The following PCNX4 variants were observed in gnomAD, a reference collection of about 807,000 sequenced individuals.
PCNX4 encodes pecanex-like protein 4.
PCNX4 carries 103 observed loss-of-function variants against 107.2 expected under a neutral mutation model. That is an observed-to-expected ratio of 0.96 (90% CI 0.82 to 1.13). The LOEUF is 1.13. PCNX4 is among the 50% of genes most tolerant of loss of function. The probability of loss-of-function intolerance (pLI) is 0.00; values close to 1 mark genes in which losing one functional copy is unlikely to be tolerated. For synonymous variants in PCNX4, 541 were observed against 481.7 expected, an observed-to-expected ratio of 1.12 and a Z score of -1.61; for missense variants, 1,528 against 1,379.4, an observed-to-expected ratio of 1.11 and a Z score of -1.71.
rs573287913 is a variant in PCNX4, at chr14:60,123,663, T to C, written c.2047-555T>C. Reference sequence around the variant, plus strand: ...GCATATATTTGTTGCATACCCACTGTGTACCAGATACTGGTTTAGGCACTA... The same window carrying C: ...GCATATATTTGTTGCATACCCACTGCGTACCAGATACTGGTTTAGGCACTA... On this transcript the variant is annotated intron_variant, in intron 8 of 10. Transcript: ENST00000406854. Among the ~76,000 whole-genome samples, 4 of 152,280 alleles carry C rather than the reference T, an allele frequency of 2.6e-5. No homozygotes were observed. In the East Asian group the frequency reaches 7.7e-4, roughly 29 times the overall value.
intron 1 of PCNX4, among the ~76,000 whole-genome samples, chr14:60,106,086 A>G (rs1895623238): frequency 6.6e-6 from 1 of 151,996 alleles, no homozygotes; most frequent in Non-Finnish European, 1.5e-5. Flanking sequence ...TACGGAGGGG[A>G]AGGAGGCACT....
Position 60,115,096 on chromosome 14 carries a change from A to G in PCNX4, c.992A>G (p.Asp331Gly), listed in dbSNP as rs770109512. The stretch of plus-strand genomic sequence containing the variant: ...TTCTTGCTGAGTCTGAACTTAAGTG[A>G]TATGGGTCACAAAATTGGAACCAAA... ...FGFLLSLNLS[D>G]MGHKIGTKSK... Residue 331 changes from aspartate (D) to glycine (G), a missense_variant, in exon 4 of 11, where the codon GAT (aspartate) becomes GGT (glycine). Asp to Gly is a moderately conservative substitution (Grantham distance 94). Coordinates refer to ENST00000406854, the MANE Select transcript of PCNX4 (RefSeq NM_001330177.2). 17 of 1,613,754 alleles carry G rather than the reference A, an allele frequency of 1.1e-5. No individual in the cohort carries two copies. The highest frequency in any genetic ancestry group is 8.0e-5 in the African/African-American group (6 of 74,886).
In PCNX4 at chr14:60,143,176, T is replaced by G. The variant is rs1353468166; in HGVS notation, c.*8955T>G. 2 of 152,116 alleles carry G rather than the reference T, an allele frequency of 1.3e-5. No individual in the cohort carries two copies. Among genetic ancestry groups the G allele is most frequent in the Non-Finnish European group, 2.9e-5 (2 of 68,044 alleles). The allele number at this position is 152,116 out of a possible 1,614,324, so 9.4% of individuals were successfully genotyped here. ...GAAGCTTCTCTTCATCTGTCTAAAT[T>G]CCTTTCTTTCAAGGCCCAGTGCAAG... On this transcript the variant is annotated 3_prime_UTR_variant, in exon 11 of 11. Transcript: ENST00000406854.
In PCNX4 at chr14:60,139,953, A is replaced by AG. The variant is rs1896288100; in HGVS notation, c.*5732_*5733insG. 2.4e-5 allele frequency: 2 copies of AG among 83,882 alleles called. No homozygotes were observed. The highest frequency in any genetic ancestry group is 1.9e-4 in the African/African-American group (2 of 10,720). The allele number at this position is 83,882 out of a possible 1,614,324, so 5.2% of individuals were successfully genotyped here. ...AAATTTATAGTCTTAAACGCACATT[A>AG]AAAAAAAAAGATTGAAAATGAACCT... is the stretch of plus-strand genomic sequence containing the variant. On this transcript the variant is annotated 3_prime_UTR_variant, in exon 11 of 11. Coordinates refer to ENST00000406854, the MANE Select transcript of PCNX4 (RefSeq NM_001330177.2).
In PCNX4 at chr14:60,107,527, C is replaced by T. The variant is rs1176588415; in HGVS notation, c.-53-59C>T. On this transcript the variant is annotated intron_variant, in intron 1 of 10. Transcript: ENST00000406854. Reference sequence around the variant, plus strand: ...GATGAAATAGTAATGTGAGGTTTTTCCTCATAGGTTTTAAATGACATTTTC... The same window carrying T: ...GATGAAATAGTAATGTGAGGTTTTTTCTCATAGGTTTTAAATGACATTTTC... 6.4e-6 allele frequency: 6 copies of T among 931,742 alleles called. No homozygotes were observed. In the South Asian group the frequency reaches 1.1e-4, roughly 17 times the overall value. The allele number at this position is 931,742 out of a possible 1,614,324, so 57.7% of individuals were successfully genotyped here. A position where few individuals can be genotyped will look rare whatever the true frequency, so the allele number is the denominator to read the frequency against.
chr14:60,106,552 G>A (rs1334998418), intron 1 of PCNX4, among the ~76,000 whole-genome samples: 1 of 152,134 alleles, frequency 6.6e-6, no homozygotes, highest in Non-Finnish European at 1.5e-5. Flanking sequence ...ATTCTATGCG[G>A]AACTAAGACC....
intron 6 of PCNX4, among the ~76,000 whole-genome samples, chr14:60,117,092 T>C (rs900281126): frequency 2.3e-4 from 35 of 152,264 alleles, no homozygotes; most frequent in African/African-American, 5.1e-4. Flanking sequence ...TGAAGTTAAT[T>C]TATTACTGAA....
intron 1 of PCNX4, among the ~76,000 whole-genome samples, chr14:60,095,676 G>C (rs1014846882): frequency 3.3e-5 from 5 of 151,988 alleles, no homozygotes; most frequent in Admixed American, 2.6e-4. Flanking sequence ...CCTCAGGTTG[G>C]TTTTTCCTCC....
At position 60,142,793 on chromosome 14, in the gene PCNX4, GTC is replaced by G. The variant is rs1896321718; in HGVS notation, c.*8576_*8577del. On this transcript the variant is annotated 3_prime_UTR_variant, in exon 11 of 11. Transcript: ENST00000406854. This position sits in a 1 kb window ranked among gnomAD's most constrained non-coding sequence, Gnocchi z 4.7. ...GCCTGGCCAACATGGTGAAACCCCCGTCTCTACTAAAAATACAAAACTTAGCC... is the reference window on the plus strand; with the variant it reads ...GCCTGGCCAACATGGTGAAACCCCCGTCTACTAAAAATACAAAACTTAGCC... 1 of 152,158 alleles carries G rather than the reference GTC, an allele frequency of 6.6e-6. No individual in the cohort carries two copies. The highest frequency in any genetic ancestry group is 1.5e-5 in the Non-Finnish European group (1 of 68,162). The allele number at this position is 152,158 out of a possible 1,614,324, so 9.4% of individuals were successfully genotyped here.
chr14:60,125,037 A>G lies in PCNX4; in HGVS notation c.2866A>G (p.Asn956Asp), dbSNP rs1896027208. The change falls in exon 9 of 11, where the codon AAT (asparagine) becomes GAT (aspartate). Residue 956 changes from asparagine to aspartate, a missense_variant. Transcript: ENST00000406854. Reference sequence around the variant, plus strand: ...TTATCATTCAGAAGAGAAGGCCTCAAATGTACTGGAAGAAATTGCCAAGGA... The same window carrying G: ...TTATCATTCAGAAGAGAAGGCCTCAGATGTACTGGAAGAAATTGCCAAGGA... ...ECYHSEEKAS[N>D]VLEEIAKDKV... is the part of the protein sequence containing the mutation. The G allele has an allele frequency of 3.1e-6, 5 of 1,613,766 alleles. No homozygotes were observed. Among genetic ancestry groups the G allele is most frequent in the South Asian group, 1.1e-5 (1 of 91,080 alleles).
Position 60,108,264 on chromosome 14 carries a change from A to C in PCNX4, c.626A>C (p.Glu209Ala). The C allele has an allele frequency of 6.2e-7, 1 of 1,612,712 alleles. No individual in the cohort carries two copies. Among genetic ancestry groups the C allele is most frequent in the Non-Finnish European group, 8.5e-7 (1 of 1,179,786 alleles). ...ACTTTCCAAACACAGGATACTTATG[A>C]AATTATTCCTCTTATGAGACCTCTT... ...TATFQTQDTY[E>A]IIPLMRPLYI... Residue 209 changes from glutamate to alanine, a missense_variant, in exon 2 of 11, where the codon GAA becomes GCA. Physicochemically the swap from Glu to Ala is moderately radical, Grantham distance 107. Coordinates refer to ENST00000406854, the MANE Select transcript of PCNX4 (RefSeq NM_001330177.2).
chr14:60,117,324 A>G (rs920646651), intron 6 of PCNX4, among the ~76,000 whole-genome samples: 14 of 152,136 alleles, frequency 9.2e-5, no homozygotes, highest in African/African-American at 2.9e-4. Flanking sequence ...TACAATTTCA[A>G]TGTTTAGATA....
intron 10 of PCNX4, among the ~76,000 whole-genome samples, chr14:60,129,155 G>A (rs1595179076): frequency 2.0e-5 from 3 of 151,616 alleles, no homozygotes; most frequent in East Asian, 1.9e-4. Flanking sequence ...CAGGAGAATC[G>A]CTTGAACCCA....
At chr14:60,122,121 T>C in intron 8 of PCNX4, among the ~76,000 whole-genome samples, 1 of 152,112 alleles carries the variant, frequency 6.6e-6, no homozygotes, top group Non-Finnish European at 1.5e-5. Context: ...GCTCCACCTG[T>C]AAACCATATT....
chr14:60,126,372 T>A (rs1369578280), intron 10 of PCNX4, among the ~76,000 whole-genome samples: 2 of 152,232 alleles, frequency 1.3e-5, no homozygotes, highest in African/African-American at 4.8e-5. Context: ...CATGGTTTTG[T>A]CTGTCTGGCA....
At chr14:60,116,488 A>G (rs1453394252) in intron 6 of PCNX4, among the ~76,000 whole-genome samples, 1 of 152,198 alleles carries the variant, frequency 6.6e-6, no homozygotes, top group Non-Finnish European at 1.5e-5. Context: ...TGGAGATGAA[A>G]AATTCCTATC....
intron 2 of PCNX4, 125 bp from the exon 3 acceptor site, chr14:60,114,570 TTTCTG>T (rs1322196326): frequency 8.4e-6 from 6 of 711,770 alleles, no homozygotes; most frequent in Admixed American, 6.5e-5. Flanking sequence ...GACTAAGACT[TTTCTG>T]TGGTGTGTGT....
chr14:60,097,902 C>T (rs1895456198), intron 1 of PCNX4, among the ~76,000 whole-genome samples: 1 of 152,160 alleles, frequency 6.6e-6, no homozygotes, highest in African/African-American at 2.4e-5. Context: ...AACTGTCTGT[C>T]CCCTTGTCAG....
In PCNX4 at chr14:60,124,951, A is replaced by G; in HGVS notation, c.2780A>G (p.Lys927Arg). 6.2e-7 allele frequency: 1 copy of G among 1,613,878 alleles called. No homozygotes were observed. The highest frequency in any genetic ancestry group is 8.5e-7 in the Non-Finnish European group (1 of 1,179,784). The part of the protein sequence containing the change: ...RTSCMPSSKM[K>R]EMSSLFPEDW... ...AGCTGTATGCCCAGTTCCAAAATGA[A>G]GGAGATGAGCTCGTTATTTCCAGAA... The change falls in exon 9 of 11, where the codon AAG becomes AGG. Residue 927 changes from lysine (K) to arginine (R), a missense_variant. Coordinates refer to ENST00000406854, the MANE Select transcript of PCNX4 (RefSeq NM_001330177.2).
Sources: gnomAD v4.1 joint callset for allele counts (sites outside exome capture counted in the v4.1 genomes callset) on GRCh38, gnomAD v4.1.1 for gene constraint, Gnocchi (gnomAD v3.1) non-coding constraint, MANE v1.5 for transcripts, NCBI Gene and HGNC (gene_info 2026-07-23, HGNC 2026-07-21) for gene names.